KAT6A: variants seen among roughly 807,000 people sequenced by gnomAD.
KAT6A encodes the protein histone acetyltransferase KAT6A.
A neutral mutation model predicts 198.4 loss-of-function variants in KAT6A; 9 were observed. The observed-to-expected ratio is 0.05, with a 90% CI of 0.03 to 0.08. The LOEUF is 0.08. Ranked by LOEUF, KAT6A falls within the 10% of genes least tolerant of loss-of-function variation. KAT6A has a pLI of 1.00. For synonymous variants in KAT6A, 890 were observed against 883.0 expected, an observed-to-expected ratio of 1.01 and a Z score of -0.14; for missense variants, 2,077 against 2,509.9, an observed-to-expected ratio of 0.83 and a Z score of 3.69.
chr8:42,048,421 G>T lies in KAT6A; in HGVS notation c.557C>A (p.Ser186Tyr). Reference protein sequence around the residue: ...VDGKESCESLSCLPPVSLLPH... With the variant: ...VDGKESCESLYCLPPVSLLPH... ...AAGAAGGGACACTGGAGGTAAACAG[G>T]AAAGAGACTCACAACTCTCTTTCCC... Residue 186 changes from serine to tyrosine, a missense_variant, in exon 2 of 17, where the codon TCC becomes TAC. Around this residue, in one of 13 missense-constraint regions of KAT6A, gnomAD observed 185 missense variants for 185.7 expected, o/e 1.00. Coordinates refer to ENST00000265713, the MANE Select transcript of KAT6A (RefSeq NM_006766.5). The T allele has an allele frequency of 6.2e-7, 1 of 1,614,002 alleles. No homozygotes were observed. Among genetic ancestry groups the T allele is most frequent in the Non-Finnish European group, 8.5e-7 (1 of 1,179,920 alleles).
At chr8:42,000,888 A>G (rs559301063) in intron 2 of KAT6A, among the ~76,000 whole-genome samples, 2 of 152,326 alleles carry the variant, frequency 1.3e-5, no homozygotes, top group East Asian at 3.9e-4. Context: ...TAAAGTGACA[A>G]AAGTGACATT....
rs1369511449 is a variant in KAT6A, at chr8:41,930,972, CAA to C, written c.*1231_*1232del. The C allele has an allele frequency of 9.5e-6, 2 of 210,582 alleles. No homozygotes were observed. Among genetic ancestry groups the C allele is most frequent in the African/African-American group, 2.3e-5 (1 of 43,740 alleles). 13.0% of individuals were successfully genotyped at this position (210,582 alleles called of 1,614,324 possible). ...TTCACAGGGGATGAACTCAGGATCT[CAA>C]AAGACATACAAAAACTAGAGGTATG... On this transcript the variant is annotated 3_prime_UTR_variant, in exon 17 of 17. Coordinates refer to ENST00000265713, the MANE Select transcript of KAT6A (RefSeq NM_006766.5).
intron 3 of KAT6A, among the ~76,000 whole-genome samples, chr8:41,986,761 G>A (rs1337287729): frequency 2.0e-5 from 3 of 152,300 alleles, no homozygotes; most frequent in African/African-American, 7.2e-5. Flanking sequence ...CATATGGCCG[G>A]GTGTGGTGGC....
At chr8:41,944,068 C>A in intron 12 of KAT6A, 89 bp from the exon 13 acceptor site, 3 of 796,208 alleles carry the variant, frequency 3.8e-6, no homozygotes, top group Non-Finnish European at 4.0e-6. Context: ...TCTTCTACAA[C>A]CAAGAATAAC....
rs545457727 is a variant in KAT6A, at chr8:42,042,394, G to A, written c.600+5984C>T. Among the ~76,000 whole-genome samples, 1,038 of 150,766 alleles carry A rather than the reference G, an allele frequency of 6.9e-3. 14 individuals carry two copies. Among genetic ancestry groups the A allele is most frequent in the African/African-American group, 0.024 (1,000 of 41,000 alleles). On this transcript the variant is annotated intron_variant, in intron 2 of 16. Transcript: ENST00000265713. ...AATCGCTTGAACCCAGGAGGTGGAGGTTGCACCACTGCACTCCAGCCTGGG... is the reference window on the plus strand; with the variant it reads ...AATCGCTTGAACCCAGGAGGTGGAGATTGCACCACTGCACTCCAGCCTGGG...
At chr8:41,984,421 G>A (rs530431206) in intron 3 of KAT6A, among the ~76,000 whole-genome samples, 16 of 152,110 alleles carry the variant, frequency 1.1e-4, no homozygotes, top group Middle Eastern at 3.2e-3. Context: ...CGACAAGCCC[G>A]TGGCAGCAGC....
intron 2 of KAT6A, among the ~76,000 whole-genome samples, chr8:42,009,641 G>A (rs780027282): frequency 2.6e-5 from 4 of 151,804 alleles, no homozygotes; most frequent in Non-Finnish European, 5.9e-5. Flanking sequence ...GCTCATGCCT[G>A]TAATCTCAGC....
At chr8:42,027,476 C>T (rs1826877889) in intron 2 of KAT6A, among the ~76,000 whole-genome samples, 1 of 152,074 alleles carries the variant, frequency 6.6e-6, no homozygotes, top group South Asian at 2.1e-4. Flanking sequence ...AATTGTGTTA[C>T]TCATTATTGG....
chr8:42,017,940 T>C (rs1826352920), intron 2 of KAT6A, among the ~76,000 whole-genome samples: 1 of 152,146 alleles, frequency 6.6e-6, no homozygotes, highest in Non-Finnish European at 1.5e-5. Context: ...CACTTATTTA[T>C]TGAATGACTA....
chr8:41,959,180 A>T (rs12114129), intron 8 of KAT6A, among the ~76,000 whole-genome samples: 14,225 of 142,498 alleles, frequency 0.1, 896 homozygotes, highest in East Asian at 0.23. Context: ...AAAAAAAAAA[A>T]GTTGGAAAAG....
At chr8:41,967,307 T>A (rs1435014371) in intron 8 of KAT6A, among the ~76,000 whole-genome samples, 3 of 49,436 alleles carry the variant, frequency 6.1e-5, no homozygotes, top group Admixed American at 4.6e-4. Flanking sequence ...TTATTTATTT[T>A]TATTATACTT....
chr8:42,026,471 T>G (rs1265796361), intron 2 of KAT6A, among the ~76,000 whole-genome samples: 1 of 152,196 alleles, frequency 6.6e-6, no homozygotes, highest in Admixed American at 6.5e-5. Flanking sequence ...GTTTCCCTTA[T>G]AGAGGTCTTC....
intron 8 of KAT6A, among the ~76,000 whole-genome samples, chr8:41,972,179 A>G (rs913550505): frequency 6.7e-5 from 10 of 150,372 alleles, no homozygotes; most frequent in Non-Finnish European, 1.2e-4. Context: ...TATGAGTTTA[A>G]ACAAAATGAA....
intron 2 of KAT6A, among the ~76,000 whole-genome samples, chr8:42,031,617 C>CTTTTTTTTT (rs11329714): frequency 1.5e-5 from 1 of 65,060 alleles, no homozygotes; most frequent in Non-Finnish European, 2.6e-5. Flanking sequence ...GGAGCATTCA[C>CTTTTTTTTT]TTTTTTTTTT....
intron 2 of KAT6A, among the ~76,000 whole-genome samples, chr8:42,020,833 A>G (rs928197270): frequency 6.6e-6 from 1 of 152,172 alleles, no homozygotes; most frequent in African/African-American, 2.4e-5. Flanking sequence ...CACAGTGCTT[A>G]ATTACATTAC....
intron 4 of KAT6A, among the ~76,000 whole-genome samples, chr8:41,981,148 T>C (rs936729204): frequency 1.3e-4 from 20 of 152,060 alleles, no homozygotes; most frequent in African/African-American, 4.6e-4. Flanking sequence ...TGAAACCCTG[T>C]CCCTACTAAA....
chr8:41,932,403 G>T lies in KAT6A; in HGVS notation c.5817C>A (p.Asn1939Lys), dbSNP rs2150854586. Residue 1939 changes from asparagine (N) to lysine (K), a missense_variant, in exon 17 of 17, where the codon AAC becomes AAA. By Grantham distance (94) the Asn-to-Lys change is moderately conservative (BLOSUM62 0). Around this residue, in one of 13 missense-constraint regions of KAT6A, gnomAD observed 500 missense variants for 577.2 expected, o/e 0.87. Transcript: ENST00000265713. ...QPMMNSSYHS[N>K]PAYMNQTAQY... The stretch of plus-strand genomic sequence containing the variant: ...GTGCTGTCTGGTTCATGTAGGCAGG[G>T]TTACTATGGTAACTGCTGTTCATCA... 1 of 1,614,210 alleles carries T rather than the reference G, an allele frequency of 6.2e-7. No homozygotes were observed. The highest frequency in any genetic ancestry group is 8.5e-7 in the Non-Finnish European group (1 of 1,180,046).
intron 6 of KAT6A, among the ~76,000 whole-genome samples, chr8:41,978,167 C>A (rs1233892985): frequency 6.6e-6 from 1 of 152,188 alleles, no homozygotes; most frequent in Non-Finnish European, 1.5e-5. Context: ...TTAGCCATCA[C>A]CTCAATAGGA....
rs142745698 is a variant in KAT6A at position 42,045,251 on chromosome 8, T to C, written c.600+3127A>G. On this transcript the variant is annotated intron_variant, in intron 2 of 16. Coordinates refer to ENST00000265713, the MANE Select transcript of KAT6A (RefSeq NM_006766.5). The stretch of plus-strand genomic sequence containing the variant: ...AAGAAACAAACTCTATTTTCCAACA[T>C]GTCTAAATTTAGTTACTTCAGTTAA... Among the ~76,000 whole-genome samples the C allele has an allele frequency of 8.3e-3, 1,268 of 152,316 alleles. 17 individuals are homozygous for C. The highest frequency in any genetic ancestry group is 0.03 in the African/African-American group (1,227 of 41,562).
Sources: gnomAD v4.1 joint callset for allele counts (sites outside exome capture counted in the v4.1 genomes callset) on GRCh38, gnomAD v4.1.1 for gene constraint, gnomAD v4.1.1 regional missense constraint, MANE v1.5 for transcripts, NCBI Gene and HGNC (gene_info 2026-07-23, HGNC 2026-07-21) for gene names.